WWTR1: variants seen among roughly 807,000 people sequenced by gnomAD.
The protein encoded by WWTR1 is WW domain containing transcription regulator 1, also known as WW domain-containing transcription regulator protein 1.
WWTR1 carries 13 observed loss-of-function variants against 40.1 expected under a neutral mutation model. The ratio of observed to expected loss-of-function variants is 0.32; its 90% confidence interval spans 0.21 to 0.52. The LOEUF (loss-of-function observed/expected upper bound fraction) is 0.52, where lower values mean the gene tolerates loss of function less well. Ranked by LOEUF, WWTR1 falls within the 20% of genes least tolerant of loss-of-function variation. The probability of loss-of-function intolerance (pLI) is 0.97; values close to 1 mark genes in which losing one functional copy is unlikely to be tolerated. For synonymous variants in WWTR1, 230 were observed against 210.1 expected (o/e 1.09, Z -0.82); for missense variants, 436 against 523.1 (o/e 0.83, Z 1.63).
rs924965978 is a variant in WWTR1, at chr3:149,542,451, T to G, written c.655A>C (p.Met219Leu). 13 of 1,614,026 alleles carry G rather than the reference T, an allele frequency of 8.1e-6. No homozygotes were observed. In the African/African-American group the frequency reaches 1.7e-4, roughly 22 times the overall value. The change falls in exon 4 of 7, where the codon ATG (methionine) becomes CTG (leucine). Residue 219 changes from methionine (M) to leucine (L), a missense_variant. Met to Leu is a conservative substitution (Grantham distance 15). Transcript: ENST00000360632. ...GTGGTCAGCGCATTGGGCATACTCA[T>G]GAGCCCTGCGGGTGGGTTCTGAGTG... is the stretch of plus-strand genomic sequence containing the variant. Reference protein sequence around the residue: ...HPTQNPPAGLMSMPNALTTQQ... With the variant: ...HPTQNPPAGLLSMPNALTTQQ...
chr3:149,581,612 C>T (rs764636651), intron 2 of WWTR1, among the ~76,000 whole-genome samples: 7 of 152,230 alleles, frequency 4.6e-5, no homozygotes, highest in South Asian at 2.1e-4. Context: ...TGTATGGTTC[C>T]GGTCTCTACC....
At chr3:149,580,643 C>T (rs563565339) in intron 2 of WWTR1, among the ~76,000 whole-genome samples, 10 of 152,306 alleles carry the variant, frequency 6.6e-5, no homozygotes, top group East Asian at 5.8e-4. Flanking sequence ...GACGGAGTTT[C>T]GCTCTTGTCA....
chr3:149,700,066 T>C (rs1336425157), intron 1 of WWTR1, among the ~76,000 whole-genome samples: 2 of 152,192 alleles, frequency 1.3e-5, no homozygotes, highest in Non-Finnish European at 2.9e-5. Flanking sequence ...TCTATTCAGC[T>C]TCTGGTGAGG....
chr3:149,543,599 A>AAAAAAAAAAAAAAAAAAAAAC (rs1736235775), intron 3 of WWTR1, among the ~76,000 whole-genome samples: 1 of 149,662 alleles, frequency 6.7e-6, no homozygotes, highest in Non-Finnish European at 1.5e-5. Flanking sequence ...AAAAAAAAAA[A>AAAAAAAAAAAAAAAAAAAAAC]AAAAGAACTT....
intron 2 of WWTR1, among the ~76,000 whole-genome samples, chr3:149,636,325 A>T (rs1217849434): frequency 1.3e-5 from 2 of 152,220 alleles, no homozygotes; most frequent in Non-Finnish European, 2.9e-5. Context: ...TTGAAACCCA[A>T]ACAGCCTACT....
intron 2 of WWTR1, among the ~76,000 whole-genome samples, chr3:149,600,633 A>G (rs1739200791): frequency 6.6e-6 from 1 of 152,252 alleles, no homozygotes; most frequent in Non-Finnish European, 1.5e-5. Context: ...CCTCAAGGCA[A>G]TAGCCACCCT....
chr3:149,616,841 A>G (rs1739997918), intron 2 of WWTR1, among the ~76,000 whole-genome samples: 1 of 152,232 alleles, frequency 6.6e-6, no homozygotes, highest in South Asian at 2.1e-4. Context: ...TATTTAGGAC[A>G]AAGGCCATGT....
rs149985695 is a variant in WWTR1 at position 149,657,281 on chromosome 3, G to T, written c.26C>A (p.Pro9Gln). MNPASAPP[P>Q]LPPPGQQVIH... Reference sequence around the variant, plus strand: ...CACTTGCTGCCCAGGCGGCGGGAGCGGAGGGGGCGCCGAGGCCGGATTCAT... The same window carrying T: ...CACTTGCTGCCCAGGCGGCGGGAGCTGAGGGGGCGCCGAGGCCGGATTCAT... The change falls in exon 2 of 7, where the codon CCG becomes CAG. Residue 9 changes from proline to glutamine, a missense_variant. Coordinates refer to ENST00000360632, the MANE Select transcript of WWTR1 (RefSeq NM_015472.6). The T allele has an allele frequency of 1.2e-6, 2 of 1,612,700 alleles. No homozygotes were observed. The highest frequency in any genetic ancestry group is 1.7e-6 in the Non-Finnish European group (2 of 1,179,390).
At chr3:149,641,807 A>G (rs1245308645) in intron 2 of WWTR1, among the ~76,000 whole-genome samples, 1 of 152,242 alleles carries the variant, frequency 6.6e-6, no homozygotes, top group Admixed American at 6.5e-5. Flanking sequence ...AATACAAAGA[A>G]CAATGTTTCC....
rs1430260610 is a variant in WWTR1 at position 149,518,093 on chromosome 3, AG to A, written c.*2711del. On this transcript the variant is annotated 3_prime_UTR_variant, in exon 7 of 7. Transcript: ENST00000360632. ...GCTCTAACTTTAGATTTCTAACTTT[AG>A]TGTTCTTTAACAAAGGCCATATTTT... is the stretch of plus-strand genomic sequence containing the variant. 1 of 152,196 alleles carries A rather than the reference AG, an allele frequency of 6.6e-6. No homozygotes were observed. The highest frequency in any genetic ancestry group is 6.5e-5 in the Admixed American group (1 of 15,276). The allele number at this position is 152,196 out of a possible 1,614,324, so 9.4% of individuals were successfully genotyped here.
At chr3:149,706,800 G>A (rs764700439), upstream of WWTR1, among the ~76,000 whole-genome samples, 14 of 152,116 alleles carry the variant, frequency 9.2e-5, no homozygotes, top group Non-Finnish European at 1.6e-4. Flanking sequence ...AGGACTTCTA[G>A]GAAACCTTTT....
At chr3:149,719,729 A>G (rs929705529) in intron 4 of WWTR1, among the ~76,000 whole-genome samples, 2 of 152,152 alleles carry the variant, frequency 1.3e-5, no homozygotes, top group East Asian at 3.9e-4. Context: ...TATATCCCCC[A>G]AACAGGCACA....
intron 4 of WWTR1, 135 bp downstream of exon 4, chr3:149,542,200 A>G (rs1736135587): frequency 2.0e-6 from 2 of 1,016,178 alleles, no homozygotes; most frequent in Non-Finnish European, 2.8e-6. Flanking sequence ...TTTAATCAAG[A>G]GGCTTGGAGT....
upstream of WWTR1, among the ~76,000 whole-genome samples, chr3:149,707,583 T>C (rs781051043): frequency 6.6e-6 from 1 of 152,020 alleles, no homozygotes; most frequent in Non-Finnish European, 1.5e-5. Context: ...TTTAACAAAA[T>C]TAAGCAATTC....
intron 2 of WWTR1, among the ~76,000 whole-genome samples, chr3:149,617,127 G>A (rs149019164): frequency 3.3e-5 from 5 of 152,266 alleles, no homozygotes; most frequent in South Asian, 2.1e-4. Context: ...TTTACCTCCC[G>A]CTTTGGAACA....
upstream of WWTR1, chr3:149,658,782 T>C (rs966262706): frequency 2.6e-5 from 4 of 152,370 alleles, no homozygotes; most frequent in Admixed American, 2.0e-4. Context: ...CTCAGGCCAC[T>C]AGAGATTGAG....
intron 2 of WWTR1, among the ~76,000 whole-genome samples, chr3:149,625,174 T>A (rs1192425660): frequency 1.4e-5 from 2 of 141,758 alleles, no homozygotes; most frequent in Non-Finnish European, 3.0e-5. Context: ...CAGGCTGGAG[T>A]GCAGTGGTGC....
chr3:149,723,194 T>TC (rs1200971265), intron 4 of WWTR1, among the ~76,000 whole-genome samples: 1 of 144,112 alleles, frequency 6.9e-6, no homozygotes, highest in African/African-American at 2.6e-5. Context: ...TCTTTTTTTT[T>TC]TTTTTTTTTT....
chr3:149,622,482 G>A (rs1274591688), intron 2 of WWTR1, among the ~76,000 whole-genome samples: 44 of 113,336 alleles, frequency 3.9e-4, no homozygotes, highest in African/African-American at 1.3e-3. Flanking sequence ...AGGAAGGAAG[G>A]AAGGAAGGAA....
Sources: allele counts gnomAD v4.1 joint callset (sites outside exome capture counted in the v4.1 genomes callset), GRCh38; gene constraint gnomAD v4.1.1; transcripts MANE v1.5; gene names NCBI Gene and HGNC (gene_info 2026-07-23, HGNC 2026-07-21).